Variants in PATJ observed in about 807,000 individuals in gnomAD.
PATJ encodes the protein inaD-like protein.
Under a neutral mutation model 224.9 loss-of-function variants are expected in PATJ, and 190 were observed. The observed-to-expected ratio is 0.84, with a 90% confidence interval of 0.75 to 0.95. PATJ has a LOEUF of 0.95. PATJ is among the 40% of genes least tolerant of loss of function. The probability of loss-of-function intolerance (pLI) is 0.00; values close to 1 mark genes in which losing one functional copy is unlikely to be tolerated. For synonymous variants in PATJ, 769 were observed against 820.3 expected (o/e 0.94, Z 1.07); for missense variants, 2,121 against 2,270.3 (o/e 0.93, Z 1.34).
rs757926523 is a variant in PATJ, at chr1:61,762,319, T to A, written c.-35-539T>A. ...GGTCAGGTTTCTTTTTTTCCACATA[T>A]CATTTTTGAGATTTATCCTTGTTGT... On this transcript the variant is annotated intron_variant, in intron 1 of 43. Coordinates refer to ENST00000642238, the MANE Select transcript of PATJ (RefSeq NM_001350145.3). Among the ~76,000 whole-genome samples, 28 of 152,156 alleles carry A rather than the reference T, an allele frequency of 1.8e-4. 1 individual carries two copies. The highest frequency in any genetic ancestry group is 3.8e-4 in the Non-Finnish European group (26 of 68,030).
In PATJ at chr1:61,855,331, A is replaced by G. The variant is rs370850995; in HGVS notation, c.2113-699A>G. On this transcript the variant is annotated intron_variant, in intron 17 of 43. Transcript: ENST00000642238. ...AACAGGAAATCTATATATTTTGGGC[A>G]CTCAGACATGCCACTGAAATTGTTA... Among the ~76,000 whole-genome samples the G allele has an allele frequency of 7.9e-5, 12 of 152,248 alleles. No homozygotes were observed. The South Asian group carries it at 8.3e-4, about 11-fold the overall frequency.
At chr1:61,917,817 G>C (rs544952364) in intron 26 of PATJ, among the ~76,000 whole-genome samples, 262 of 152,224 alleles carry the variant, frequency 1.7e-3, no homozygotes, top group African/African-American at 6.0e-3. Context: ...ACTTTGGGAG[G>C]CCAACGTGGG....
Position 62,117,208 on chromosome 1 carries a change from A to G in PATJ, c.4880A>G (p.Gln1627Arg), listed in dbSNP as rs769686900. 1 of 1,614,138 alleles carries G rather than the reference A, an allele frequency of 6.2e-7. No homozygotes were observed. Among genetic ancestry groups the G allele is most frequent in the South Asian group, 1.1e-5 (1 of 91,088 alleles). Reference sequence around the variant, plus strand: ...TGGACCTCCGCAAGGACGACATCACAGAACAGTCAGGTTGTCGATGGCTTC... The same window carrying G: ...TGGACCTCCGCAAGGACGACATCACGGAACAGTCAGGTTGTCGATGGCTTC... ...GSWTSARTTS[Q>R]NSQGSQQSAH... Residue 1627 changes from glutamine to arginine, a missense_variant, in exon 37 of 44, where the codon CAG (glutamine) becomes CGG (arginine). Coordinates refer to ENST00000642238, the MANE Select transcript of PATJ (RefSeq NM_001350145.3).
intron 33 of PATJ, among the ~76,000 whole-genome samples, chr1:62,093,971 T>C (rs1037102035): frequency 3.3e-5 from 5 of 152,220 alleles, no homozygotes; most frequent in African/African-American, 1.2e-4. Flanking sequence ...TTAATATATT[T>C]ACAGCAGTTC....
chr1:61,998,012 ATT>A (rs1473504666), intron 28 of PATJ, among the ~76,000 whole-genome samples: 1 of 115,722 alleles, frequency 8.6e-6, no homozygotes, highest in East Asian at 2.4e-4. Flanking sequence ...TATTATATAT[ATT>A]AATTATATAT....
chr1:62,077,104 C>T (rs1022861660), intron 31 of PATJ, among the ~76,000 whole-genome samples: 1 of 152,144 alleles, frequency 6.6e-6, no homozygotes, highest in South Asian at 2.1e-4. Flanking sequence ...ATTACCAACA[C>T]ATCTGTATTC....
intron 15 of PATJ, 24 bp from the exon 16 acceptor site, chr1:61,827,398 T>C: frequency 6.2e-7 from 1 of 1,606,204 alleles, no homozygotes; most frequent in Non-Finnish European, 8.5e-7. Context: ...GGCTCAGTTC[T>C]GACTTATCCC....
Position 61,864,285 on chromosome 1 carries a change from A to G in PATJ, c.2487A>G (p.Pro829=), listed in dbSNP as rs753197167. ...TTAAAGAAGAACTTGTGGATGAACC[A>G]TTTCTAGATCTGGGAAAGTCTTTCC... ...PYFKEELVDE[P]FLDLGKSFHS... Residue 829 remains proline (P), a synonymous_variant, in exon 20 of 44, where the codon CCA becomes CCG. Coordinates refer to ENST00000642238, the MANE Select transcript of PATJ (RefSeq NM_001350145.3). 11 of 1,613,032 alleles carry G rather than the reference A, an allele frequency of 6.8e-6. No homozygotes were observed. The highest frequency in any genetic ancestry group is 1.6e-4 in the Middle Eastern group (1 of 6,078).
At chr1:61,986,917 A>G (rs1239209010) in intron 27 of PATJ, among the ~76,000 whole-genome samples, 2 of 151,772 alleles carry the variant, frequency 1.3e-5, no homozygotes, top group Admixed American at 6.6e-5. Flanking sequence ...TGCATTTGCT[A>G]TGTATTTTTC....
chr1:62,000,297 A>G (rs1391396429), intron 28 of PATJ, among the ~76,000 whole-genome samples: 1 of 148,008 alleles, frequency 6.8e-6, no homozygotes, highest in African/African-American at 2.5e-5. Flanking sequence ...TGCTGCACCC[A>G]TTAACTCGTC....
intron 25 of PATJ, among the ~76,000 whole-genome samples, chr1:61,911,056 ATGT>A (rs1248920596): frequency 1.3e-5 from 2 of 152,166 alleles, no homozygotes; most frequent in Non-Finnish European, 1.5e-5. Context: ...TCATTTTCTA[ATGT>A]TGTGCCCATC....
chr1:61,936,263 A>G (rs1481800602), intron 27 of PATJ, among the ~76,000 whole-genome samples: 1 of 151,176 alleles, frequency 6.6e-6, no homozygotes, highest in South Asian at 2.1e-4. Context: ...TTAAAAAGTA[A>G]TTCTTATGTG....
chr1:62,093,860 G>A (rs1661075040), intron 33 of PATJ, among the ~76,000 whole-genome samples: 1 of 152,122 alleles, frequency 6.6e-6, no homozygotes, highest in African/African-American at 2.4e-5. Context: ...TTTGTTAAAT[G>A]AAGACTTGGG....
intron 14 of PATJ, among the ~76,000 whole-genome samples, chr1:61,818,114 C>A (rs554942706): frequency 6.6e-6 from 1 of 152,250 alleles, no homozygotes; most frequent in South Asian, 2.1e-4. Context: ...AAGCTTTGAG[C>A]AAAAGGAATG....
At chr1:61,881,419 T>A (rs550137892) in intron 21 of PATJ, among the ~76,000 whole-genome samples, 25 of 150,104 alleles carry the variant, frequency 1.7e-4, no homozygotes, top group East Asian at 9.8e-4. Flanking sequence ...TTTTTTTTTT[T>A]TTTTTTTTTG....
At chr1:61,916,366 A>G (rs1477930797) in intron 26 of PATJ, among the ~76,000 whole-genome samples, 2 of 152,130 alleles carry the variant, frequency 1.3e-5, no homozygotes, top group East Asian at 3.8e-4. Context: ...TATTCTATGT[A>G]GATTTTTATT....
chr1:62,045,979 G>T (rs1558088884), intron 30 of PATJ, among the ~76,000 whole-genome samples: 1 of 152,096 alleles, frequency 6.6e-6, no homozygotes, highest in Non-Finnish European at 1.5e-5. Flanking sequence ...GACCGAAGGA[G>T]TGCTTGAGCT....
intron 25 of PATJ, 152 bp from the exon 26 acceptor site, chr1:61,914,435 G>T (rs1673133873): frequency 2.3e-6 from 1 of 425,780 alleles, no homozygotes; most frequent in Admixed American, 4.0e-5. Flanking sequence ...CAGCCTGGGT[G>T]ACAAGAGCGA....
intron 22 of PATJ, among the ~76,000 whole-genome samples, chr1:61,895,153 G>T (rs1670178539): frequency 1.3e-5 from 2 of 152,168 alleles, no homozygotes; most frequent in African/African-American, 4.8e-5. Flanking sequence ...GTTTGAAATT[G>T]GAACTTATAT....
Sources: gnomAD v4.1 joint callset for allele counts (sites outside exome capture counted in the v4.1 genomes callset) on GRCh38, gnomAD v4.1.1 for gene constraint, MANE v1.5 for transcripts, NCBI Gene and HGNC (gene_info 2026-07-23, HGNC 2026-07-21) for gene names.